The following MSI2 variants were observed in gnomAD, a reference collection of about 807,000 sequenced individuals.
MSI2 encodes the protein musashi RNA binding protein 2, also known as RNA-binding protein Musashi homolog 2.
A neutral mutation model predicts 45.6 loss-of-function variants in MSI2; 17 were observed. The observed-to-expected ratio is 0.37, with a 90% CI of 0.26 to 0.56. The LOEUF (loss-of-function observed/expected upper bound fraction) is 0.56. Among genes scored for constraint, MSI2 ranks in the 20% least tolerant of loss-of-function variants. The pLI is 0.77. For synonymous variants in MSI2, 156 were observed against 158.2 expected (o/e 0.99, Z 0.11); for missense variants, 293 against 444.2 (o/e 0.66, Z 3.06).
chr17:57,348,772 A>G (rs2143829305), intron 5 of MSI2, among the ~76,000 whole-genome samples: 1 of 152,334 alleles, frequency 6.6e-6, no homozygotes, highest in East Asian at 1.9e-4. Context: ...TAGCAATGCA[A>G]AAATGGACTA....
chr17:57,469,882 GC>G (rs889931729), intron 6 of MSI2, among the ~76,000 whole-genome samples: 2 of 152,318 alleles, frequency 1.3e-5, no homozygotes, highest in African/African-American at 4.8e-5. Flanking sequence ...TGGCCCACGG[GC>G]CCCTGTCCTG....
chr17:57,395,819 TG>T (rs1288694612), intron 5 of MSI2, among the ~76,000 whole-genome samples: 1 of 152,174 alleles, frequency 6.6e-6, no homozygotes, highest in Admixed American at 6.5e-5. Flanking sequence ...CTGGACAGGA[TG>T]GGGTAATAGA....
intron 5 of MSI2, among the ~76,000 whole-genome samples, chr17:57,283,392 T>TC (rs1286845417): frequency 2.0e-5 from 3 of 152,112 alleles, no homozygotes; most frequent in Non-Finnish European, 4.4e-5. Context: ...AAAGACTTTT[T>TC]CTCCCCATTC....
intron 5 of MSI2, among the ~76,000 whole-genome samples, chr17:57,273,073 G>A (rs183680900): frequency 2.6e-3 from 395 of 152,256 alleles, no homozygotes; most frequent in Non-Finnish European, 3.4e-3. Flanking sequence ...GGGGAAAAAG[G>A]ATCAAATTAG....
At chr17:57,648,313 C>T (rs765761701) in intron 10 of MSI2, among the ~76,000 whole-genome samples, 34 of 152,152 alleles carry the variant, frequency 2.2e-4, no homozygotes, top group Non-Finnish European at 4.1e-4. Flanking sequence ...CTAGCTCTCA[C>T]TAATTAAGCT....
At chr17:57,547,741 TACACACACACACACACACAC>T (rs34631177) in intron 7 of MSI2, among the ~76,000 whole-genome samples, 2,590 of 123,404 alleles carry the variant, frequency 0.021, 41 homozygotes, top group African/African-American at 0.048. Flanking sequence ...AGACAAAAAG[TACACACACACACACACACAC>T]ACACACACAC....
intron 5 of MSI2, among the ~76,000 whole-genome samples, chr17:57,302,579 C>G (rs908899956): frequency 6.6e-6 from 1 of 152,160 alleles, no homozygotes; most frequent in African/African-American, 2.4e-5. Context: ...ACACAAATGG[C>G]TGCTTTGGTA....
At chr17:57,485,672 G>T (rs570728713) in intron 6 of MSI2, among the ~76,000 whole-genome samples, 2 of 152,348 alleles carry the variant, frequency 1.3e-5, no homozygotes, top group East Asian at 3.9e-4. Context: ...ATCTTGATCT[G>T]CATGCTGAGT....
intron 8 of MSI2, among the ~76,000 whole-genome samples, chr17:57,607,100 C>A (rs1277110043): frequency 6.6e-6 from 1 of 152,168 alleles, no homozygotes; most frequent in African/African-American, 2.4e-5. Flanking sequence ...GAGTTGACAA[C>A]CATGGACATT....
At chr17:57,416,087 C>G (rs1244436833) in intron 6 of MSI2, among the ~76,000 whole-genome samples, 1 of 152,144 alleles carries the variant, frequency 6.6e-6, no homozygotes, top group Non-Finnish European at 1.5e-5. Context: ...AAATTGTCAG[C>G]TTCTGTTGAG....
intron 6 of MSI2, among the ~76,000 whole-genome samples, chr17:57,427,278 A>AT (rs1488113589): frequency 2.6e-5 from 4 of 152,126 alleles, no homozygotes; most frequent in African/African-American, 9.7e-5. Flanking sequence ...CATGCCTGTA[A>AT]TCCCAGCTAC....
At chr17:57,631,812 A>C in intron 10 of MSI2, 1 of 1,613,626 alleles carries the variant, frequency 6.2e-7, no homozygotes, top group South Asian at 1.1e-5. Context: ...GTTTCACAAG[A>C]CATAATTTTT....
chr17:57,428,955 C>G (rs1376077992), intron 6 of MSI2, among the ~76,000 whole-genome samples: 3 of 152,110 alleles, frequency 2.0e-5, no homozygotes, highest in African/African-American at 7.2e-5. Flanking sequence ...TTCTATGGGC[C>G]AGGTACAGGG....
chr17:57,577,752 G>A (rs1022470111), intron 7 of MSI2, among the ~76,000 whole-genome samples: 1 of 152,210 alleles, frequency 6.6e-6, no homozygotes, highest in African/African-American at 2.4e-5. Context: ...CTGTTCAGAA[G>A]CACAGCAATT....
intron 9 of MSI2, among the ~76,000 whole-genome samples, chr17:57,622,993 T>A (rs995408613): frequency 6.6e-6 from 1 of 152,208 alleles, no homozygotes; most frequent in Non-Finnish European, 1.5e-5. Flanking sequence ...TGCTGAGCCC[T>A]TGAGTTGTGG....
At chr17:57,631,920 C>A in intron 10 of MSI2, 1 of 1,556,858 alleles carries the variant, frequency 6.4e-7, no homozygotes, top group South Asian at 1.2e-5. Context: ...CCGCTCCAGT[C>A]AATGCTCACT....
At chr17:57,632,452 A>C in intron 10 of MSI2, 1 of 1,066,102 alleles carries the variant, frequency 9.4e-7, no homozygotes, top group Non-Finnish European at 1.1e-6. Context: ...GGGACAGTGG[A>C]GTCATCCAGG....
At chr17:57,649,168 A>G (rs1351589988) in intron 10 of MSI2, among the ~76,000 whole-genome samples, 1 of 151,372 alleles carries the variant, frequency 6.6e-6, no homozygotes, top group Non-Finnish European at 1.5e-5. Context: ...ACACACATCT[A>G]CATATACCCA....
intron 6 of MSI2, among the ~76,000 whole-genome samples, chr17:57,521,915 G>C (rs2086593863): frequency 6.6e-6 from 1 of 152,190 alleles, no homozygotes; most frequent in South Asian, 2.1e-4. Context: ...TTCCTCTTTG[G>C]AGAATGGTTA....
Sources: allele counts gnomAD v4.1 joint callset (sites outside exome capture counted in the v4.1 genomes callset), GRCh38; gene constraint gnomAD v4.1.1; transcripts MANE v1.5; gene names NCBI Gene and HGNC (gene_info 2026-07-23, HGNC 2026-07-21).